AHI1: variants seen among roughly 807,000 people sequenced by gnomAD.
The protein encoded by AHI1 is jouberin.
AHI1 carries 123 observed loss-of-function variants against 149.3 expected under a neutral mutation model. The ratio of observed to expected loss-of-function variants is 0.82; its 90% CI spans 0.71 to 0.96. AHI1 has a LOEUF of 0.96. AHI1 is among the 40% of genes least tolerant of loss of function. AHI1 has a pLI of 0.00. For synonymous variants in AHI1, 475 were observed against 459.8 expected, an observed-to-expected ratio of 1.03 and a Z score of -0.42; for missense variants, 1,439 against 1,422.7, an observed-to-expected ratio of 1.01 and a Z score of -0.18.
chr6:135,349,546 T>C (rs1791758635), intron 24 of AHI1, among the ~76,000 whole-genome samples: 1 of 152,204 alleles, frequency 6.6e-6, no homozygotes, highest in Non-Finnish European at 1.5e-5. Flanking sequence ...TAGATTCTGA[T>C]CTACTGACAA....
rs187296342 is a variant in AHI1, at chr6:135,388,634, A to T, written c.3109+6142T>A. On this transcript the variant is annotated intron_variant, in intron 23 of 28. Coordinates refer to ENST00000265602, the MANE Select transcript of AHI1 (RefSeq NM_001134831.2). ...AATCTTAAAAACAGTAAAAAATTTAACTGGAACAATGACTCTCAATTTTAA... is the reference window on the plus strand; with the variant it reads ...AATCTTAAAAACAGTAAAAAATTTATCTGGAACAATGACTCTCAATTTTAA... Among the ~76,000 whole-genome samples the T allele has an allele frequency of 9.2e-4, 140 of 152,350 alleles. 2 individuals carry two copies. Among genetic ancestry groups the T allele is most frequent in the African/African-American group, 3.0e-3 (124 of 41,586 alleles).
chr6:135,386,631 C>CT, intron 23 of AHI1, among the ~76,000 whole-genome samples: 1 of 149,832 alleles, frequency 6.7e-6, no homozygotes, highest in Middle Eastern at 3.6e-3. Context: ...TTTTTCTTTT[C>CT]TTTTTTTGTT....
chr6:135,461,855 T>A (rs2128089825), intron 8 of AHI1, among the ~76,000 whole-genome samples: 1 of 152,186 alleles, frequency 6.6e-6, no homozygotes, highest in South Asian at 2.1e-4. Flanking sequence ...TTTATCATTC[T>A]ATTCATATTA....
chr6:135,358,886 T>A (rs987941540), intron 23 of AHI1, among the ~76,000 whole-genome samples: 2 of 152,242 alleles, frequency 1.3e-5, no homozygotes, highest in Non-Finnish European at 2.9e-5. Context: ...TAACTCAAGT[T>A]AAAAATGAAC....
chr6:135,422,941 A>G (rs1189304573), intron 20 of AHI1, among the ~76,000 whole-genome samples: 3 of 152,168 alleles, frequency 2.0e-5, no homozygotes, highest in African/African-American at 7.2e-5. Context: ...CTTCATGATC[A>G]GGAAATGCAA....
intron 22 of AHI1, among the ~76,000 whole-genome samples, chr6:135,395,889 A>G (rs1779146208): frequency 6.6e-6 from 1 of 151,828 alleles, no homozygotes; most frequent in African/African-American, 2.4e-5. Context: ...AAAACCATAC[A>G]GAGGACTTCT....
chr6:135,333,176 A>G (rs1788855735), intron 24 of AHI1, among the ~76,000 whole-genome samples: 1 of 152,226 alleles, frequency 6.6e-6, no homozygotes, highest in Non-Finnish European at 1.5e-5. Flanking sequence ...ATATAAAGTA[A>G]TATTTTAGTA....
At chr6:135,307,175 G>T (rs1784622994) in intron 26 of AHI1, 1 of 152,164 alleles carries the variant, frequency 6.6e-6, no homozygotes, top group South Asian at 2.1e-4. Context: ...GTTCCAACAT[G>T]TTGAAACATC....
At chr6:135,420,605 C>G (rs576139446) in intron 20 of AHI1, among the ~76,000 whole-genome samples, 2 of 152,290 alleles carry the variant, frequency 1.3e-5, no homozygotes, top group Admixed American at 1.3e-4. Context: ...CATGAATGAG[C>G]CGCTGCTAGT....
At chr6:135,442,485 G>C in intron 14 of AHI1, 97 bp downstream of exon 14, 1 of 1,310,854 alleles carries the variant, frequency 7.6e-7, no homozygotes, top group Non-Finnish European at 1.0e-6. Context: ...GTAGTACAGG[G>C]GATTACTCAA....
intron 24 of AHI1, among the ~76,000 whole-genome samples, chr6:135,346,413 G>C (rs554455338): frequency 6.6e-6 from 1 of 151,998 alleles, no homozygotes; most frequent in African/African-American, 2.4e-5. Context: ...TGTTAGCCAG[G>C]CTGGTCTCGA....
At chr6:135,407,552 T>A (rs1323117439) in intron 21 of AHI1, among the ~76,000 whole-genome samples, 1 of 152,166 alleles carries the variant, frequency 6.6e-6, no homozygotes, top group Non-Finnish European at 1.5e-5. Flanking sequence ...AAACTTTCAT[T>A]TCCAAAGGCA....
intron 24 of AHI1, among the ~76,000 whole-genome samples, chr6:135,356,612 GAATAT>G (rs1341945006): frequency 8.5e-5 from 13 of 152,116 alleles, no homozygotes; most frequent in African/African-American, 2.7e-4. Flanking sequence ...AAAAAGGACT[GAATAT>G]ATTATTCAAA....
At chr6:135,332,679 C>T (rs1582637953) in intron 24 of AHI1, among the ~76,000 whole-genome samples, 1 of 152,308 alleles carries the variant, frequency 6.6e-6, no homozygotes, top group East Asian at 1.9e-4. Context: ...AATTTCCAAC[C>T]AGTATGGTAA....
intron 26 of AHI1, among the ~76,000 whole-genome samples, chr6:135,309,710 G>A (rs113265342): frequency 2.0e-5 from 3 of 152,102 alleles, no homozygotes; most frequent in Admixed American, 6.5e-5. Flanking sequence ...TCGAACTCCC[G>A]ACCTCAGGTG....
intron 10 of AHI1, 63 bp downstream of exon 10, chr6:135,455,671 C>T: frequency 8.0e-7 from 1 of 1,243,148 alleles, no homozygotes; most frequent in South Asian, 2.3e-5. Flanking sequence ...AAAATAATAG[C>T]TTACATTTGT....
intron 20 of AHI1, among the ~76,000 whole-genome samples, chr6:135,426,798 T>C (rs111878073): frequency 0.031 from 4,743 of 151,724 alleles, 257 homozygotes; most frequent in African/African-American, 0.11. Context: ...TTTTCACTGA[T>C]GTGATTTTCC....
intron 27 of AHI1, among the ~76,000 whole-genome samples, chr6:135,298,593 G>C (rs750162473): frequency 1.3e-5 from 2 of 152,212 alleles, no homozygotes; most frequent in Admixed American, 6.5e-5. Flanking sequence ...CAGTTTTCAA[G>C]TCATGAGAAA....
At chr6:135,339,890 T>C (rs954769631) in intron 24 of AHI1, among the ~76,000 whole-genome samples, 1 of 152,128 alleles carries the variant, frequency 6.6e-6, no homozygotes, top group Non-Finnish European at 1.5e-5. Context: ...AGGCCAAAGA[T>C]AGGATCTCAA....
Sources: allele counts gnomAD v4.1 joint callset (sites outside exome capture counted in the v4.1 genomes callset), GRCh38; gene constraint gnomAD v4.1.1; transcripts MANE v1.5; gene names NCBI Gene and HGNC (gene_info 2026-07-23, HGNC 2026-07-21).